The following CCDC97 variants were observed in gnomAD, a reference collection of about 807,000 sequenced individuals.
CCDC97 encodes the protein coiled-coil domain containing 97, also known as coiled-coil domain-containing protein 97.
In CCDC97, 27 loss-of-function variants were observed where a neutral mutation model predicts 33.9. The ratio of observed to expected loss-of-function variants is 0.80; its 90% CI spans 0.59 to 1.10. The LOEUF is 1.10. Among genes scored for constraint, CCDC97 ranks in the 50% least tolerant of loss-of-function variants. The pLI is 0.00. For synonymous variants in CCDC97, 217 were observed against 194.0 expected (o/e 1.12, Z -0.99); for missense variants, 422 against 476.6 (o/e 0.89, Z 1.07).
chr19:41,311,245 G>C (rs2085797091), intron 1 of CCDC97, among the ~76,000 whole-genome samples: 1 of 151,958 alleles, frequency 6.6e-6, no homozygotes, highest in African/African-American at 2.4e-5. Context: ...AATTAGCCAG[G>C]CCTGGTGGCT....
At chr19:41,312,402 T>G (rs367729177) in intron 1 of CCDC97, among the ~76,000 whole-genome samples, 1 of 152,034 alleles carries the variant, frequency 6.6e-6, no homozygotes, top group Non-Finnish European at 1.5e-5. Context: ...GTTTTTTTTC[T>G]TACTAGACTG....
chr19:41,316,067 T>G (rs561728961), intron 1 of CCDC97, among the ~76,000 whole-genome samples: 102 of 152,314 alleles, frequency 6.7e-4, no homozygotes, highest in African/African-American at 2.4e-3. Flanking sequence ...CACTCCAGCC[T>G]GGGTGACCGA....
chr19:41,313,526 G>A (rs541602137), intron 1 of CCDC97, among the ~76,000 whole-genome samples: 1 of 152,210 alleles, frequency 6.6e-6, no homozygotes, highest in Non-Finnish European at 1.5e-5. Context: ...AATCCTCCCT[G>A]ATACACACAA....
intron 1 of CCDC97, 155 bp downstream of exon 1, chr19:41,310,511 C>T (rs1234419351): frequency 3.0e-6 from 3 of 985,132 alleles, no homozygotes; most frequent in East Asian, 1.1e-4. Context: ...CAGATTATTC[C>T]CTCCCTTGTC....
intron 2 of CCDC97, 36 bp from the exon 3 acceptor site, chr19:41,319,538 C>T (rs774595787): frequency 6.7e-7 from 1 of 1,488,920 alleles, no homozygotes; most frequent in Admixed American, 1.8e-5. Flanking sequence ...TGCTCAGTCG[C>T]TCACCCCATG....
intron 1 of CCDC97, among the ~76,000 whole-genome samples, chr19:41,311,728 C>T (rs1164165828): frequency 6.6e-6 from 1 of 150,974 alleles, no homozygotes; most frequent in African/African-American, 2.5e-5. Flanking sequence ...CAGAGCAAAA[C>T]TCTGTCTCAA....
intron 1 of CCDC97, chr19:41,310,882 T>A (rs1344218963): frequency 1.0e-6 from 1 of 988,184 alleles, no homozygotes; most frequent in Non-Finnish European, 1.2e-6. Context: ...AAGTCCTTAC[T>A]CAATTTCTGT....
intron 1 of CCDC97, among the ~76,000 whole-genome samples, chr19:41,315,905 G>A (rs906110432): frequency 6.6e-6 from 1 of 152,124 alleles, no homozygotes; most frequent in African/African-American, 2.4e-5. Flanking sequence ...ACCAGCCTGA[G>A]TAACATGTCA....
chr19:41,320,909 T>C (rs912013595), intron 4 of CCDC97, among the ~76,000 whole-genome samples: 2 of 152,094 alleles, frequency 1.3e-5, no homozygotes, highest in Admixed American at 6.6e-5. Flanking sequence ...ACAGTTACAG[T>C]TGTTCATTTC....
At chr19:41,314,273 A>T (rs1238992793) in intron 1 of CCDC97, among the ~76,000 whole-genome samples, 1 of 151,704 alleles carries the variant, frequency 6.6e-6, no homozygotes, top group Non-Finnish European at 1.5e-5. Flanking sequence ...CAGCCTCCCG[A>T]GTAGCTGGGA....
In CCDC97 at chr19:41,316,590, C is replaced by T; in HGVS notation, c.253C>T (p.Pro85Ser). 1.9e-6 allele frequency: 3 copies of T among 1,614,238 alleles called. No individual in the cohort carries two copies. The Middle Eastern group carries it at 4.9e-4, about 266-fold the overall frequency. ...TGTTTGCAGCCAGCAGCAGGGTGAACCCGACTTGACAGAGCATGAGAAAGT... is the reference window on the plus strand; with the variant it reads ...TGTTTGCAGCCAGCAGCAGGGTGAATCCGACTTGACAGAGCATGAGAAAGT... ...LPVCSQQQGE[P>S]DLTEHEKVAI... The change falls in exon 2 of 5, where the codon CCC (proline) becomes TCC (serine). Residue 85 changes from proline to serine, a missense_variant. Pro to Ser is a moderately conservative substitution (Grantham distance 74, BLOSUM62 -1). Transcript: ENST00000269967.
chr19:41,314,710 T>G (rs567923323), intron 1 of CCDC97, among the ~76,000 whole-genome samples: 1 of 152,266 alleles, frequency 6.6e-6, no homozygotes, highest in East Asian at 1.9e-4. Flanking sequence ...CATTTAAAAT[T>G]GCAGCCTTGG....
Position 41,316,512 on chromosome 19 carries a change from G to A in CCDC97, c.175G>A (p.Glu59Lys). Residue 59 changes from glutamate (E) to lysine (K), a missense_variant, in exon 2 of 5, where the codon GAA becomes AAA. Physicochemically the swap from Glu to Lys is moderately conservative, Grantham distance 56. Transcript: ENST00000269967. Reference protein sequence around the residue: ...VALDSDTSGAENAAVSAMLHA... With the variant: ...VALDSDTSGAKNAAVSAMLHA... ...CCTGGACAGTGACACCTCCGGGGCT[G>A]AAAATGCAGCAGTGAGTGCTATGCT... The A allele has an allele frequency of 6.2e-7, 1 of 1,614,228 alleles. No homozygotes were observed. Among genetic ancestry groups the A allele is most frequent in the East Asian group, 2.2e-5 (1 of 44,884 alleles).
At chr19:41,316,243 GCTCA>G in intron 1 of CCDC97, 137 bp from the exon 2 acceptor site, 1 of 621,318 alleles carries the variant, frequency 1.6e-6, no homozygotes, top group Non-Finnish European at 2.9e-6. Flanking sequence ...GTCAACTTTT[GCTCA>G]CTGTGGTTTC....
At position 41,322,578 on chromosome 19, in the gene CCDC97, G is replaced by GCCT. The variant is rs752226307; in HGVS notation, c.912-7_912-5dup. 5.0e-6 allele frequency: 8 copies of GCCT among 1,610,586 alleles called. No individual in the cohort carries two copies. The highest frequency in any genetic ancestry group is 2.7e-5 in the African/African-American group (2 of 74,834). Reference sequence around the variant, plus strand: ...TCCCAGGGAGACCCAGTCCTTGACAGCCTCCTCCTCCTGCAGCACAGTAGA... The same window carrying GCCT: ...TCCCAGGGAGACCCAGTCCTTGACAGCCTCCTCCTCCTCCTGCAGCACAGTAGA... On this transcript the variant is annotated splice_polypyrimidine_tract_variant and intron_variant, in intron 4 of 4. Transcript: ENST00000269967.
intron 2 of CCDC97, among the ~76,000 whole-genome samples, chr19:41,317,992 CAAAA>C (rs764111028): frequency 3.2e-5 from 2 of 61,876 alleles, no homozygotes; most frequent in East Asian, 5.5e-4. Flanking sequence ...TGGAGGTTGC[CAAAA>C]AAAAAAAAAA....
rs1454677319 is a variant in CCDC97, at chr19:41,316,237, A to C, written c.47-147A>C. On this transcript the variant is annotated intron_variant, in intron 1 of 4. Coordinates refer to ENST00000269967, the MANE Select transcript of CCDC97 (RefSeq NM_052848.3). ...GTTTGTGTCCCCTACTGAAATGTCA[A>C]CTTTTGCTCACTGTGGTTTCTCTAG... The C allele has an allele frequency of 4.9e-6, 3 of 611,008 alleles. No homozygotes were observed. In the Admixed American group the frequency reaches 8.9e-5, roughly 18 times the overall value. The allele number at this position is 611,008 out of a possible 1,614,324, so 37.8% of individuals were successfully genotyped here.
chr19:41,310,361 G>C lies in CCDC97; in HGVS notation c.46+5G>C, dbSNP rs767207041. On this transcript the variant is annotated splice_donor_5th_base_variant and intron_variant, in intron 1 of 4. Transcript: ENST00000269967. ...CGGCGAAGGAACCCGATAAGGGTGAGATCTTGGTCACGCGCAGGCGGCGGG... is the reference window on the plus strand; with the variant it reads ...CGGCGAAGGAACCCGATAAGGGTGACATCTTGGTCACGCGCAGGCGGCGGG... 6.2e-7 allele frequency: 1 copy of C among 1,604,312 alleles called. No homozygotes were observed. Among genetic ancestry groups the C allele is most frequent in the Non-Finnish European group, 8.5e-7 (1 of 1,176,102 alleles).
chr19:41,320,499 C>T, intron 4 of CCDC97, 29 bp downstream of exon 4: 1 of 1,613,472 alleles, frequency 6.2e-7, no homozygotes, highest in South Asian at 1.1e-5. Flanking sequence ...CTCCCCATCC[C>T]CCAGCCCAGC....
Sources: gnomAD v4.1 joint callset for allele counts (sites outside exome capture counted in the v4.1 genomes callset) on GRCh38, gnomAD v4.1.1 for gene constraint, MANE v1.5 for transcripts, NCBI Gene and HGNC (gene_info 2026-07-23, HGNC 2026-07-21) for gene names.